The following CAST variants were observed in gnomAD, a reference collection of about 807,000 sequenced individuals.
CAST encodes MIR583 host.
Under a neutral mutation model 119.6 loss-of-function variants are expected in CAST, and 76 were observed. The ratio of observed to expected loss-of-function variants is 0.64; its 90% CI spans 0.53 to 0.77. The LOEUF (loss-of-function observed/expected upper bound fraction) is 0.77. CAST is among the 30% of genes least tolerant of loss of function. The pLI, the probability that CAST is intolerant of heterozygous loss-of-function variation, is 0.00. For missense variants in CAST, 953 were observed against 946.5 expected (o/e 1.01, Z -0.09); for synonymous variants, 319 against 331.6 (o/e 0.96, Z 0.41).
At chr5:96,743,670 C>T in intron 16 of CAST, 2 of 1,613,418 alleles carry the variant, frequency 1.2e-6, no homozygotes, top group Admixed American at 1.7e-5. Flanking sequence ...GGCTCACCGG[C>T]CACAGTGTGG....
chr5:96,432,613 C>G, the CAST span, among the ~76,000 whole-genome samples: 4 of 152,180 alleles, frequency 2.6e-5, no homozygotes, highest in Non-Finnish European at 4.4e-5. Flanking sequence ...CTAGAGCGGC[C>G]AACAGTAAGC....
chr5:96,208,596 T>C, the CAST span, among the ~76,000 whole-genome samples: 1 of 152,052 alleles, frequency 6.6e-6, no homozygotes, highest in East Asian at 1.9e-4. Flanking sequence ...CAAAAATCAT[T>C]CCAGAGAAGA....
chr5:96,195,600 A>T, the CAST span, among the ~76,000 whole-genome samples: 1 of 152,344 alleles, frequency 6.6e-6, no homozygotes, highest in South Asian at 2.1e-4. Flanking sequence ...TTGGTTACTT[A>T]CAAGTTATAT....
intron 1 of CAST, among the ~76,000 whole-genome samples, chr5:96,624,539 A>T (rs1426867849): frequency 6.6e-6 from 1 of 152,242 alleles, no homozygotes; most frequent in Non-Finnish European, 1.5e-5. Flanking sequence ...GTGCTAAAAT[A>T]AATGAGTACT....
the CAST span, among the ~76,000 whole-genome samples, chr5:96,305,553 C>T: frequency 6.6e-6 from 1 of 152,172 alleles, no homozygotes; most frequent in Non-Finnish European, 1.5e-5. Context: ...GGAGTGCTTC[C>T]TGGTTTTGCC....
chr5:95,967,515 T>C, the CAST span, among the ~76,000 whole-genome samples: 1 of 152,124 alleles, frequency 6.6e-6, no homozygotes. Flanking sequence ...GTTCCCATAA[T>C]CCCCAAATGT....
At chr5:96,105,211 AT>A in the CAST span, among the ~76,000 whole-genome samples, 1 of 151,544 alleles carries the variant, frequency 6.6e-6, no homozygotes, top group Non-Finnish European at 1.5e-5. Flanking sequence ...TCTTTTCCTA[AT>A]TGAATACCCT....
chr5:96,295,880 C>CAT, the CAST span, among the ~76,000 whole-genome samples: 14 of 151,670 alleles, frequency 9.2e-5, no homozygotes, highest in East Asian at 9.7e-4. Context: ...TGTATGCACA[C>CAT]ATATATATAT....
chr5:96,493,767 G>A, the CAST span, among the ~76,000 whole-genome samples: 145 of 152,280 alleles, frequency 9.5e-4, no homozygotes, highest in African/African-American at 3.4e-3. Flanking sequence ...GGCCAGGAAC[G>A]GTGTCTCATG....
At chr5:96,495,632 G>A in the CAST span, among the ~76,000 whole-genome samples, 3 of 152,146 alleles carry the variant, frequency 2.0e-5, no homozygotes, top group African/African-American at 7.2e-5. Context: ...ATTCCATGGT[G>A]CATATGTGCC....
intron 1 of CAST, among the ~76,000 whole-genome samples, chr5:96,565,948 A>G (rs530297407): frequency 6.6e-6 from 1 of 152,336 alleles, no homozygotes; most frequent in East Asian, 1.9e-4. Flanking sequence ...TCATGGCAGG[A>G]GCCCATGAGG....
chr5:95,990,078 C>T, the CAST span, among the ~76,000 whole-genome samples: 1 of 152,194 alleles, frequency 6.6e-6, no homozygotes, highest in East Asian at 1.9e-4. Flanking sequence ...TTCCATTTTC[C>T]AGATTCTAGA....
At chr5:96,151,439 C>T in the CAST span, among the ~76,000 whole-genome samples, 13 of 152,098 alleles carry the variant, frequency 8.5e-5, no homozygotes, top group Non-Finnish European at 1.6e-4. Flanking sequence ...AGTTCAAGTC[C>T]AGCCTGGGCA....
the CAST span, among the ~76,000 whole-genome samples, chr5:96,434,741 A>T: frequency 6.6e-6 from 1 of 152,188 alleles, no homozygotes; most frequent in African/African-American, 2.4e-5. Context: ...AGGAAGCAAG[A>T]GATGTTCCTT....
At chr5:96,038,476 T>C in the CAST span, among the ~76,000 whole-genome samples, 1 of 151,926 alleles carries the variant, frequency 6.6e-6, no homozygotes, top group Non-Finnish European at 1.5e-5. Context: ...CACCCATCAA[T>C]TTGTCACCGA....
At chr5:96,122,879 A>G in the CAST span, among the ~76,000 whole-genome samples, 1 of 152,144 alleles carries the variant, frequency 6.6e-6, no homozygotes. Flanking sequence ...CAGCTCATAC[A>G]GTGTGATCAT....
the CAST span, among the ~76,000 whole-genome samples, chr5:96,352,751 A>C: frequency 6.6e-6 from 1 of 152,028 alleles, no homozygotes; most frequent in African/African-American, 2.4e-5. Flanking sequence ...ATGTCAGGGG[A>C]GGGACCTGGT....
intron 1 of CAST, chr5:96,663,295 C>T (rs1464120575): frequency 4.3e-6 from 3 of 692,174 alleles, no homozygotes; most frequent in South Asian, 3.0e-5. Context: ...GGGTGCGGAC[C>T]GGGTGCGACC....
the CAST span, among the ~76,000 whole-genome samples, chr5:96,245,152 T>C: frequency 6.6e-6 from 1 of 152,228 alleles, no homozygotes; most frequent in African/African-American, 2.4e-5. Flanking sequence ...CTTTCTAAAT[T>C]CTAGAGAATT....
Sources: gnomAD v4.1 joint callset for allele counts (sites outside exome capture counted in the v4.1 genomes callset) on GRCh38, gnomAD v4.1.1 for gene constraint, MANE v1.5 for transcripts, NCBI Gene and HGNC (gene_info 2026-07-23, HGNC 2026-07-21) for gene names.